MYH7B: variants seen among roughly 807,000 people sequenced by gnomAD.
MYH7B encodes the protein myosin heavy chain 7B, also known as myosin-7B.
MYH7B carries 205 observed loss-of-function variants against 234.5 expected under a neutral mutation model. The observed-to-expected ratio is 0.87, with a 90% CI of 0.78 to 0.98. The LOEUF (loss-of-function observed/expected upper bound fraction) is 0.98. Ranked by LOEUF, MYH7B falls within the 50% of genes least tolerant of loss-of-function variation. The pLI is 0.00. For missense variants in MYH7B, 2,652 were observed against 2,633.4 expected (o/e 1.01, Z -0.15); for synonymous variants, 1,193 against 1,105.0 (o/e 1.08, Z -1.58).
chr20:34,996,147 G>A (rs983055246), intron 28 of MYH7B, among the ~76,000 whole-genome samples, 199 bp from the exon 29 acceptor site: 6 of 152,206 alleles, frequency 3.9e-5, no homozygotes, highest in East Asian at 1.9e-4. Context: ...TGAGCACTGC[G>A]GGTGCATCCA....
At chr20:34,965,799 G>T (rs1326622304) in intron 2 of MYH7B, among the ~76,000 whole-genome samples, 2 of 152,214 alleles carry the variant, frequency 1.3e-5, no homozygotes, top group African/African-American at 4.8e-5. Context: ...AATGGCAGAT[G>T]CAGAGTCCCT....
chr20:34,987,723 C>A, intron 17 of MYH7B, 42 bp from the exon 18 acceptor site: 1 of 1,613,158 alleles, frequency 6.2e-7, no homozygotes, highest in Non-Finnish European at 8.5e-7. Context: ...GGGCAGGGTC[C>A]CCTCCTTGCC....
In MYH7B at chr20:34,981,025, T is replaced by C; in HGVS notation, c.500-8T>C. On this transcript the variant is annotated splice_polypyrimidine_tract_variant and splice_region_variant and intron_variant, in intron 8 of 44. Transcript: ENST00000262873. Reference sequence around the variant, plus strand: ...GCTGACTTCTCTATCCCCTTCCCTTTCCTCCAGACCGAGACAACCAGTCCA... The same window carrying C: ...GCTGACTTCTCTATCCCCTTCCCTTCCCTCCAGACCGAGACAACCAGTCCA... 1 of 1,613,920 alleles carries C rather than the reference T, an allele frequency of 6.2e-7. No individual in the cohort carries two copies. The highest frequency in any genetic ancestry group is 1.1e-5 in the South Asian group (1 of 91,068).
chr20:34,988,572 C>T (rs1275324664), intron 19 of MYH7B, among the ~76,000 whole-genome samples: 2 of 152,124 alleles, frequency 1.3e-5, no homozygotes, highest in Non-Finnish European at 2.9e-5. Flanking sequence ...TTCTGCAGCT[C>T]ACAAGGCCCT....
At chr20:34,999,970 T>A in intron 38 of MYH7B, 64 bp downstream of exon 38, 5 of 1,408,350 alleles carry the variant, frequency 3.6e-6, no homozygotes, top group Non-Finnish European at 5.0e-6. Context: ...CAGTGTGTAC[T>A]CTGCTCTCTA....
exon 26 of MYH7B, chr20:34,993,416 C>G: frequency 6.2e-7 from 1 of 1,612,086 alleles, no homozygotes; most frequent in Non-Finnish European, 8.5e-7. Context: ...CTGCTGCAGG[C>G]GCGGAGCCGT....
chr20:34,987,138 C>T lies in MYH7B; in HGVS notation c.1009-11C>T. 4.3e-6 allele frequency: 7 copies of T among 1,613,060 alleles called. No homozygotes were observed. The highest frequency in any genetic ancestry group is 5.1e-6 in the Non-Finnish European group (6 of 1,179,686). On this transcript the variant is annotated splice_polypyrimidine_tract_variant and intron_variant, in intron 15 of 44. Transcript: ENST00000262873. ...GACCTCTCTGAACTCGCTTTCCCTG[C>T]TGCCCCCCAGCATGCCATGGACATC...
intron 2 of MYH7B, among the ~76,000 whole-genome samples, chr20:34,972,575 G>C (rs1459258604): frequency 6.6e-6 from 1 of 152,076 alleles, no homozygotes; most frequent in Non-Finnish European, 1.5e-5. Context: ...GGGAGTGTCA[G>C]CTCTATGAGG....
chr20:34,990,091 G>A (rs780368770), exon 21 of MYH7B: 17 of 1,614,190 alleles, frequency 1.1e-5, no homozygotes, highest in Non-Finnish European at 1.3e-5. Flanking sequence ...TCTTCCAGAA[G>A]TCACAGAATA....
chr20:34,979,768 C>A (rs1179053766), exon 7 of MYH7B: 1 of 1,614,132 alleles, frequency 6.2e-7, no homozygotes, highest in Admixed American at 1.7e-5. Flanking sequence ...CTGTGCTGCA[C>A]AACCTGCGCC....
Position 34,977,692 on chromosome 20 carries a change from G to C in MYH7B, c.-73+12G>C, listed in dbSNP as rs1281270640. 6.4e-7 allele frequency: 1 copy of C among 1,571,052 alleles called. No individual in the cohort carries two copies. The highest frequency in any genetic ancestry group is 8.6e-7 in the Non-Finnish European group (1 of 1,157,818). On this transcript the variant is annotated intron_variant, in intron 4 of 44. Transcript: ENST00000262873. ...ACCGTGGTGCCGAGGTAGGTGATCA[G>C]GGCTGGGGTTGGAGCCGAAGGGAGG...
chr20:34,972,330 CTG>C (rs2081800771), intron 2 of MYH7B, among the ~76,000 whole-genome samples: 1 of 151,952 alleles, frequency 6.6e-6, no homozygotes, highest in Non-Finnish European at 1.5e-5. Flanking sequence ...ATTGTATTTG[CTG>C]TTCCTTCTGC....
rs747893659 is a variant in MYH7B at position 34,998,497 on chromosome 20, C to T, written c.3875-14C>T. The T allele has an allele frequency of 3.7e-6, 6 of 1,613,260 alleles. No homozygotes were observed. Among genetic ancestry groups the T allele is most frequent in the Non-Finnish European group, 4.2e-6 (5 of 1,179,996 alleles). On this transcript the variant is annotated splice_polypyrimidine_tract_variant and intron_variant, in intron 33 of 44. Transcript: ENST00000262873. ...TCACCAGCCTGACCTGTCCGCTCGC[C>T]TCTTTGCCTGCAGGGGAGCTGAGTC...
chr20:34,998,730 C>T (rs755594634), exon 35 of MYH7B: 3 of 1,611,668 alleles, frequency 1.9e-6, no homozygotes, highest in African/African-American at 1.3e-5. Context: ...CCAAGAGTGC[C>T]CTGGCCCACG....
chr20:34,987,655 A>G, exon 17 of MYH7B: 1 of 1,613,584 alleles, frequency 6.2e-7, no homozygotes, highest in Non-Finnish European at 8.5e-7. Context: ...GTACGTGACC[A>G]AGGGCCAGAG....
intron 13 of MYH7B, 38 bp from the exon 14 acceptor site, chr20:34,986,062 G>A (rs1251372336): frequency 6.6e-7 from 1 of 1,518,480 alleles, no homozygotes; most frequent in South Asian, 1.2e-5. Context: ...ACTCTGGGGA[G>A]GTGTGGGAGA....
rs781486339 is a variant in MYH7B at position 34,995,292 on chromosome 20, A to C, written c.2701-44A>C. 16 of 1,589,778 alleles carry C rather than the reference A, an allele frequency of 1.0e-5. No individual in the cohort carries two copies. In the South Asian group the frequency reaches 1.6e-4, roughly 16 times the overall value. The stretch of plus-strand genomic sequence containing the variant: ...TGGCCTGGTGTCTCTCTGCTGGTTT[A>C]CCTGGCCCTCCCCCAACCTGGCCCC... On this transcript the variant is annotated intron_variant, in intron 27 of 44. Coordinates refer to ENST00000262873, the Ensembl canonical transcript of MYH7B.
intron 2 of MYH7B, among the ~76,000 whole-genome samples, chr20:34,963,569 A>C (rs1268734026): frequency 6.6e-6 from 1 of 152,192 alleles, no homozygotes; most frequent in Non-Finnish European, 1.5e-5. Context: ...TTTGAAGCAC[A>C]TATTTTAAAA....
chr20:34,970,707 G>T (rs956248606), intron 2 of MYH7B, among the ~76,000 whole-genome samples: 7 of 152,244 alleles, frequency 4.6e-5, no homozygotes, highest in African/African-American at 1.7e-4. Context: ...ACTCTAAGCA[G>T]TGAGGCCCAC....
Sources: allele counts gnomAD v4.1 joint callset (sites outside exome capture counted in the v4.1 genomes callset), GRCh38; gene constraint gnomAD v4.1.1; transcripts MANE v1.5; gene names NCBI Gene and HGNC (gene_info 2026-07-23, HGNC 2026-07-21).